CELF2: variants seen among roughly 807,000 people sequenced by gnomAD.
CELF2 encodes the protein CUG triplet repeat RNA-binding protein 2.
CELF2 carries 8 observed loss-of-function variants against 62.6 expected under a neutral mutation model. The ratio of observed to expected loss-of-function variants is 0.13; its 90% CI spans 0.07 to 0.23. The LOEUF (loss-of-function observed/expected upper bound fraction) is 0.23, where lower values mean the gene tolerates loss of function less well. CELF2 is among the 10% of genes least tolerant of loss of function. The pLI, the probability that CELF2 is intolerant of heterozygous loss-of-function variation, is 1.00. For synonymous variants in CELF2, 258 were observed against 250.0 expected, an observed-to-expected ratio of 1.03 and a Z score of -0.30; for missense variants, 333 against 671.0, an observed-to-expected ratio of 0.50 and a Z score of 5.56.
Position 11,217,337 on chromosome 10 carries a change from A to G in CELF2, c.272-88A>G. The G allele has an allele frequency of 1.2e-6, 1 of 835,830 alleles. No homozygotes were observed. The highest frequency in any genetic ancestry group is 2.0e-6 in the Non-Finnish European group (1 of 512,678). The allele number at this position is 835,830 out of a possible 1,614,324, so 51.8% of individuals were successfully genotyped here. Reference sequence around the variant, plus strand: ...TTATTTTTAAATTGTGCGTCCTTTTAAGTAGATTGTTTGTTCGCCACAGTC... The same window carrying G: ...TTATTTTTAAATTGTGCGTCCTTTTGAGTAGATTGTTTGTTCGCCACAGTC... On this transcript the variant is annotated intron_variant, in intron 2 of 12. Coordinates refer to ENST00000633077, the MANE Select transcript of CELF2 (RefSeq NM_001326342.2). The surrounding 1 kb of genome is among the most constrained non-coding windows in gnomAD (Gnocchi z 5.6).
At chr10:10,614,388 A>T in the CELF2 span, among the ~76,000 whole-genome samples, 8 of 151,998 alleles carry the variant, frequency 5.3e-5, no homozygotes, top group Admixed American at 4.6e-4. Flanking sequence ...CCTATAAGGC[A>T]GCCTCTCACC....
the CELF2 span, among the ~76,000 whole-genome samples, chr10:10,596,743 G>A: frequency 6.6e-6 from 1 of 152,226 alleles, no homozygotes; most frequent in Non-Finnish European, 1.5e-5. Context: ...CGTGACCTCA[G>A]CTGTCCTTTC....
the CELF2 span, among the ~76,000 whole-genome samples, chr10:10,593,847 C>T: frequency 2.0e-5 from 3 of 152,156 alleles, no homozygotes; most frequent in African/African-American, 7.2e-5. Flanking sequence ...GTTCTTTGAC[C>T]TCTGCAAGCC....
chr10:10,606,470 A>C, the CELF2 span, among the ~76,000 whole-genome samples: 1 of 152,180 alleles, frequency 6.6e-6, no homozygotes, highest in South Asian at 2.1e-4. Flanking sequence ...CTAGCTTTAA[A>C]TTGAATATGG....
intron 1 of CELF2, among the ~76,000 whole-genome samples, chr10:10,908,911 C>T (rs1039887983): frequency 8.5e-5 from 13 of 152,164 alleles, no homozygotes; most frequent in Admixed American, 4.6e-4. Context: ...CCTCAGCTCC[C>T]GAGTAGCTGG....
chr10:10,751,428 A>T, the CELF2 span, among the ~76,000 whole-genome samples: 9 of 152,370 alleles, frequency 5.9e-5, no homozygotes, highest in East Asian at 1.5e-3. Flanking sequence ...GCAAGTTCGT[A>T]TCTGAAGGGC....
intron 2 of CELF2, chr10:10,929,672 A>T (rs2065879300): frequency 6.6e-6 from 1 of 152,190 alleles, no homozygotes; most frequent in Admixed American, 6.5e-5. Context: ...AATGGGTAAT[A>T]ATAGGGCCAG....
At chr10:10,793,450 A>AAAAC (rs545927527), upstream of CELF2, among the ~76,000 whole-genome samples, 19 of 152,202 alleles carry the variant, frequency 1.2e-4, no homozygotes, top group Admixed American at 7.9e-4. Flanking sequence ...ATGCTTGGGA[A>AAAAC]AAACAAACAA....
chr10:10,825,420 C>T (rs1448045329), intron 1 of CELF2, among the ~76,000 whole-genome samples: 1 of 152,122 alleles, frequency 6.6e-6, no homozygotes, highest in Non-Finnish European at 1.5e-5. Context: ...CTGTGTTAGC[C>T]AGGCTGGTCT....
rs2078335993 is a variant in CELF2, at chr10:11,255,235, A to G, written c.404-2503A>G. ...TCAGCGTACAGGAGGTCAGGTCCTC[A>G]GCAGTCTCCCTCCCAGGAATTGGAG... On this transcript the variant is annotated intron_variant, in intron 4 of 12. Coordinates refer to ENST00000633077, the MANE Select transcript of CELF2 (RefSeq NM_001326342.2). The surrounding 1 kb of genome is among the most constrained non-coding windows in gnomAD (Gnocchi z 5.5). Among the ~76,000 whole-genome samples, 1 of 152,242 alleles carries G rather than the reference A, an allele frequency of 6.6e-6. No individual in the cohort carries two copies. Among genetic ancestry groups the G allele is most frequent in the African/African-American group, 2.4e-5 (1 of 41,466 alleles).
At position 11,270,246 on chromosome 10, in the gene CELF2, C is replaced by G. The variant is rs184213532; in HGVS notation, c.619-420C>G. Among the ~76,000 whole-genome samples, 1 of 152,068 alleles carries G rather than the reference C, an allele frequency of 6.6e-6. No homozygotes were observed. The highest frequency in any genetic ancestry group is 1.9e-4 in the East Asian group (1 of 5,188). Reference sequence around the variant, plus strand: ...GACATGGCCATTCCCGTTACAGATTCTCCCCTTTGTCCTCTGTCCACCTGT... The same window carrying G: ...GACATGGCCATTCCCGTTACAGATTGTCCCCTTTGTCCTCTGTCCACCTGT... On this transcript the variant is annotated intron_variant, in intron 6 of 12. Transcript: ENST00000633077. This position sits in a 1 kb window ranked among gnomAD's most constrained non-coding sequence, Gnocchi z 5.8.
chr10:10,961,942 C>T (rs1293529026), intron 2 of CELF2, among the ~76,000 whole-genome samples: 1 of 150,978 alleles, frequency 6.6e-6, no homozygotes, highest in Non-Finnish European at 1.5e-5. Flanking sequence ...AGGCTGTCCT[C>T]TTACAGCCAG....
intron 1 of CELF2, among the ~76,000 whole-genome samples, chr10:11,127,507 C>T (rs1564850902): frequency 6.6e-6 from 1 of 152,304 alleles, no homozygotes; most frequent in East Asian, 1.9e-4. Context: ...TACACTCCTG[C>T]CAATAGTGTA....
chr10:10,892,464 G>A (rs1002198418), intron 1 of CELF2, among the ~76,000 whole-genome samples: 1 of 152,126 alleles, frequency 6.6e-6, no homozygotes, highest in African/African-American at 2.4e-5. Flanking sequence ...CAAATGGAAG[G>A]CACCCTTTTT....
intron 1 of CELF2, among the ~76,000 whole-genome samples, chr10:11,023,956 T>G (rs1462507854): frequency 6.6e-6 from 1 of 152,256 alleles, no homozygotes; most frequent in Non-Finnish European, 1.5e-5. Context: ...ATTCAGGTTT[T>G]GGTTAAATTT....
chr10:10,571,173 G>T, the CELF2 span, among the ~76,000 whole-genome samples: 1 of 152,074 alleles, frequency 6.6e-6, no homozygotes. Context: ...AAACAAATGC[G>T]AGAATTAGAT....
At chr10:10,795,704 T>C (rs1399669864), upstream of CELF2, among the ~76,000 whole-genome samples, 1 of 152,168 alleles carries the variant, frequency 6.6e-6, no homozygotes, top group Non-Finnish European at 1.5e-5. Flanking sequence ...ATGGAATTAA[T>C]TTCCAGTATA....
the CELF2 span, among the ~76,000 whole-genome samples, chr10:10,568,658 C>T: frequency 6.6e-6 from 1 of 152,044 alleles, no homozygotes; most frequent in African/African-American, 2.4e-5. Flanking sequence ...AGAAGATCTG[C>T]ACAGAGGCAT....
chr10:11,328,892 C>T lies in CELF2; in HGVS notation c.1439-34C>T. 3 of 1,595,912 alleles carry T rather than the reference C, an allele frequency of 1.9e-6. No individual in the cohort carries two copies. Among genetic ancestry groups the T allele is most frequent in the Non-Finnish European group, 2.6e-6 (3 of 1,167,714 alleles). ...TTTTCTGTTTTCTGCTGGGCTTCCT[C>T]TCCAGGCTGACTCCCTCTCTCGGTA... On this transcript the variant is annotated intron_variant, in intron 12 of 12. Transcript: ENST00000633077. This position sits in a 1 kb window ranked among gnomAD's most constrained non-coding sequence, Gnocchi z 6.4.
Sources: gnomAD v4.1 joint callset for allele counts (sites outside exome capture counted in the v4.1 genomes callset) on GRCh38, gnomAD v4.1.1 for gene constraint, Gnocchi (gnomAD v3.1) non-coding constraint, MANE v1.5 for transcripts, NCBI Gene and HGNC (gene_info 2026-07-23, HGNC 2026-07-21) for gene names.